Variants in DOCK1 observed in about 807,000 individuals in gnomAD.
The protein encoded by DOCK1 is dedicator of cytokinesis 1, also known as dedicator of cytokinesis protein 1.
A neutral mutation model predicts 262.7 loss-of-function variants in DOCK1; 138 were observed. That is an observed-to-expected ratio of 0.53 (90% CI 0.46 to 0.61). The LOEUF is 0.61. Among genes scored for constraint, DOCK1 ranks in the 20% least tolerant of loss-of-function variants. DOCK1 has a pLI of 0.00. For missense variants in DOCK1, 1,908 were observed against 2,370.7 expected (o/e 0.80, Z 4.05); for synonymous variants, 866 against 867.4 (o/e 1.00, Z 0.03).
chr10:127,258,106 G>A (rs1292307585), intron 29 of DOCK1, among the ~76,000 whole-genome samples: 6 of 152,108 alleles, frequency 3.9e-5, no homozygotes, highest in African/African-American at 9.7e-5. Flanking sequence ...TAAGGGAGTC[G>A]ATGATGCGAT....
chr10:127,279,564 C>T (rs1316449547), intron 29 of DOCK1, among the ~76,000 whole-genome samples: 1 of 152,110 alleles, frequency 6.6e-6, no homozygotes, highest in African/African-American at 2.4e-5. Flanking sequence ...AACCCTCTGC[C>T]GGTTGAGTAA....
rs558969161 is a variant in DOCK1 at position 127,303,904 on chromosome 10, C to G, written c.3045-35102C>G. Among the ~76,000 whole-genome samples the G allele has an allele frequency of 6.6e-5, 10 of 152,224 alleles. No individual in the cohort carries two copies. The South Asian group carries it at 2.1e-3, about 32-fold the overall frequency. On this transcript the variant is annotated intron_variant, in intron 29 of 51. Transcript: ENST00000623213. The stretch of plus-strand genomic sequence containing the variant: ...CAGGTGAGAGAGCATCATGTAATCG[C>G]GATGTGTAAAAACGTGCAAGAATGG...
intron 33 of DOCK1, among the ~76,000 whole-genome samples, chr10:127,371,002 A>C (rs1200500685): frequency 6.6e-6 from 1 of 152,240 alleles, no homozygotes; most frequent in Non-Finnish European, 1.5e-5. Context: ...TGCTAATTTT[A>C]TCCCAGCCAT....
chr10:127,099,087 C>G (rs1343139657), intron 23 of DOCK1, among the ~76,000 whole-genome samples: 1 of 152,190 alleles, frequency 6.6e-6, no homozygotes. Flanking sequence ...GCATCTTGTC[C>G]TTGTCTGGCT....
chr10:127,233,957 A>G (rs2058950659), intron 27 of DOCK1, among the ~76,000 whole-genome samples: 1 of 152,192 alleles, frequency 6.6e-6, no homozygotes, highest in Non-Finnish European at 1.5e-5. Context: ...TAATTTCCAT[A>G]CCATGTTTGT....
At chr10:127,066,799 C>T (rs946164851) in intron 23 of DOCK1, among the ~76,000 whole-genome samples, 2 of 152,202 alleles carry the variant, frequency 1.3e-5, no homozygotes, top group Admixed American at 1.3e-4. Flanking sequence ...TAAGTAGATA[C>T]TTTGATTGCT....
chr10:126,963,627 T>C (rs1249303571), intron 1 of DOCK1, among the ~76,000 whole-genome samples: 4,671 of 42,032 alleles, frequency 0.11, 465 homozygotes, highest in East Asian at 0.21. Context: ...TCCCTTCCCT[T>C]CCCTTCCCTT....
intron 28 of DOCK1, among the ~76,000 whole-genome samples, chr10:127,250,904 T>C (rs2059612619): frequency 6.6e-6 from 1 of 151,986 alleles, no homozygotes; most frequent in Non-Finnish European, 1.5e-5. Context: ...GACAGAACTT[T>C]TGTAAAATGT....
rs150620434 is a variant in DOCK1, at chr10:126,910,322, TTC to T, written c.46+4761_46+4762del. Among the ~76,000 whole-genome samples the T allele has an allele frequency of 4.6e-3, 708 of 152,352 alleles. 36 individuals carry two copies. In the East Asian group the frequency reaches 0.1, roughly 22 times the overall value. On this transcript the variant is annotated intron_variant, in intron 1 of 51. Coordinates refer to ENST00000623213, the MANE Select transcript of DOCK1 (RefSeq NM_001290223.2). Reference sequence around the variant, plus strand: ...GGATTGTCTTAGTGTGTGTCAATAGTTCTGTCTCTTTATCACCTCTGTGGATG... The same window carrying T: ...GGATTGTCTTAGTGTGTGTCAATAGTTGTCTCTTTATCACCTCTGTGGATG...
intron 33 of DOCK1, among the ~76,000 whole-genome samples, chr10:127,364,581 A>G (rs2064793104): frequency 6.6e-6 from 1 of 152,010 alleles, no homozygotes; most frequent in African/African-American, 2.4e-5. Context: ...GGCCAGGATG[A>G]TCTTGATCTC....
At chr10:127,280,367 C>G (rs1450750472) in intron 29 of DOCK1, among the ~76,000 whole-genome samples, 1 of 152,008 alleles carries the variant, frequency 6.6e-6, no homozygotes, top group Non-Finnish European at 1.5e-5. Context: ...AAGGGGAAAC[C>G]TTTGTTCTTT....
At chr10:127,439,900 C>CCTGGGG (rs1330875040) in intron 49 of DOCK1, among the ~76,000 whole-genome samples, 1 of 152,160 alleles carries the variant, frequency 6.6e-6, no homozygotes, top group Non-Finnish European at 1.5e-5. Context: ...CGGCTCTCAT[C>CCTGGGG]CTGGGGCTGG....
chr10:127,227,187 G>A (rs1482073005), intron 27 of DOCK1, among the ~76,000 whole-genome samples: 1 of 152,176 alleles, frequency 6.6e-6, no homozygotes, highest in Admixed American at 6.5e-5. Flanking sequence ...CTCACCTGAT[G>A]CCTGCCTGTA....
chr10:126,918,913 C>G (rs192243517), intron 1 of DOCK1, among the ~76,000 whole-genome samples: 2 of 151,892 alleles, frequency 1.3e-5, no homozygotes, highest in South Asian at 4.2e-4. Context: ...CAGGTGGGCA[C>G]GGAGGATTTG....
chr10:127,404,276 A>G, intron 39 of DOCK1, 49 bp from the exon 40 acceptor site: 1 of 1,512,740 alleles, frequency 6.6e-7, no homozygotes, highest in South Asian at 1.2e-5. Flanking sequence ...CCAGAGGCAC[A>G]CATGCTTGAA....
intron 1 of DOCK1, among the ~76,000 whole-genome samples, chr10:126,908,961 C>T (rs1444347479): frequency 6.6e-6 from 1 of 152,184 alleles, no homozygotes; most frequent in Non-Finnish European, 1.5e-5. Flanking sequence ...GTGTTGAAGG[C>T]AGAATAATGG....
At chr10:126,971,711 C>T (rs2038121557) in intron 2 of DOCK1, among the ~76,000 whole-genome samples, 1 of 152,154 alleles carries the variant, frequency 6.6e-6, no homozygotes, top group African/African-American at 2.4e-5. Context: ...AGCCACTGTG[C>T]CTAGCCTGCT....
rs373492696 is a variant in DOCK1 at position 127,090,686 on chromosome 10, G to A, written c.2446-15545G>A. Among the ~76,000 whole-genome samples the A allele has an allele frequency of 2.8e-4, 42 of 152,226 alleles. No individual in the cohort carries two copies. The South Asian group carries it at 5.4e-3, about 20-fold the overall frequency. On this transcript the variant is annotated intron_variant, in intron 23 of 51. Coordinates refer to ENST00000623213, the MANE Select transcript of DOCK1 (RefSeq NM_001290223.2). Reference sequence around the variant, plus strand: ...CCCCTTCACACTGCCTGGCAACCACGAATTTGTTTTCTGTCTCTACGATTA... The same window carrying A: ...CCCCTTCACACTGCCTGGCAACCACAAATTTGTTTTCTGTCTCTACGATTA...
intron 27 of DOCK1, among the ~76,000 whole-genome samples, chr10:127,160,155 T>C (rs1035755588): frequency 6.6e-6 from 1 of 151,016 alleles, no homozygotes; most frequent in African/African-American, 2.4e-5. Flanking sequence ...AAAAAAAGTC[T>C]CTCACTGTGC....
Sources: allele counts gnomAD v4.1 joint callset (sites outside exome capture counted in the v4.1 genomes callset), GRCh38; gene constraint gnomAD v4.1.1; transcripts MANE v1.5; gene names NCBI Gene and HGNC (gene_info 2026-07-23, HGNC 2026-07-21).